ZMYM2: variants seen among roughly 807,000 people sequenced by gnomAD.
ZMYM2 encodes the protein zinc finger MYM-type containing 2.
A neutral mutation model predicts 162.8 loss-of-function variants in ZMYM2; 56 were observed. That is an observed-to-expected ratio of 0.34 (90% confidence interval 0.28 to 0.43). The LOEUF (loss-of-function observed/expected upper bound fraction) is 0.43, where lower values mean the gene tolerates loss of function less well. Ranked by LOEUF, ZMYM2 falls within the 20% of genes least tolerant of loss-of-function variation. ZMYM2 has a pLI of 1.00. For synonymous variants in ZMYM2, 510 were observed against 541.6 expected (o/e 0.94, Z 0.81); for missense variants, 1,275 against 1,621.8 (o/e 0.79, Z 3.67).
intron 23 of ZMYM2, 23 bp downstream of exon 23, chr13:20,083,055 T>A (rs1229206459): frequency 6.6e-7 from 1 of 1,516,334 alleles, no homozygotes; most frequent in Non-Finnish European, 8.8e-7. Context: ...ATTTCTATTT[T>A]TATTTTTATT....
chr13:19,871,364 T>TA, the ZMYM2 span, among the ~76,000 whole-genome samples: 2 of 152,174 alleles, frequency 1.3e-5, no homozygotes, highest in African/African-American at 2.4e-5. Context: ...TACTTATTGA[T>TA]AAAAAAAGAA....
chr13:19,909,249 T>C, the ZMYM2 span, among the ~76,000 whole-genome samples: 2 of 152,168 alleles, frequency 1.3e-5, no homozygotes, highest in African/African-American at 4.8e-5. Flanking sequence ...GCTCAATCTA[T>C]GTTAATTACT....
chr13:19,992,454 C>T (rs908029940), intron 2 of ZMYM2, among the ~76,000 whole-genome samples: 4 of 152,032 alleles, frequency 2.6e-5, no homozygotes, highest in African/African-American at 7.2e-5. Flanking sequence ...GTAGTCCCAG[C>T]TACTTGGAGG....
intron 7 of ZMYM2, 167 bp from the exon 8 acceptor site, chr13:20,026,445 T>A: frequency 1.8e-6 from 1 of 552,922 alleles, no homozygotes; most frequent in Non-Finnish European, 3.0e-6. Context: ...CCTTAGCAGT[T>A]GTTGCATAGT....
rs147370603 is a variant in ZMYM2 at position 19,985,083 on chromosome 13, C to A, written c.-10-7980C>A. On this transcript the variant is annotated intron_variant, in intron 2 of 24. Transcript: ENST00000610343. ...AATCATTATGTTGATCAGGTACTTTCCTTATGACAAGTGAATGTTAACCGC... is the reference window on the plus strand; with the variant it reads ...AATCATTATGTTGATCAGGTACTTTACTTATGACAAGTGAATGTTAACCGC... Among the ~76,000 whole-genome samples the A allele has an allele frequency of 7.4e-3, 1,131 of 152,236 alleles. 11 individuals are homozygous for A. Among genetic ancestry groups the A allele is most frequent in the African/African-American group, 0.025 (1,028 of 41,528 alleles).
the ZMYM2 span, among the ~76,000 whole-genome samples, chr13:19,883,057 A>C: frequency 6.6e-6 from 1 of 152,236 alleles, no homozygotes; most frequent in South Asian, 2.1e-4. Flanking sequence ...ATACAATGGA[A>C]TATTATTGTT....
intron 2 of ZMYM2, among the ~76,000 whole-genome samples, chr13:19,991,624 C>CT (rs11413369): frequency 0.93 from 121,894 of 131,382 alleles, 57,046 homozygotes; most frequent in East Asian, 0.99. Flanking sequence ...TTTTCTTTTT[C>CT]TTTTTTTTTT....
chr13:19,997,736 C>G (rs1950122811), intron 3 of ZMYM2, among the ~76,000 whole-genome samples: 1 of 152,032 alleles, frequency 6.6e-6, no homozygotes, highest in Non-Finnish European at 1.5e-5. Context: ...TGTTGTCTTA[C>G]CGCTGAGAAT....
chr13:19,880,765 C>A, the ZMYM2 span, among the ~76,000 whole-genome samples: 1 of 152,154 alleles, frequency 6.6e-6, no homozygotes, highest in East Asian at 1.9e-4. Flanking sequence ...TTGGATTGTT[C>A]ACTGTTAGTG....
At chr13:19,901,203 T>G in the ZMYM2 span, among the ~76,000 whole-genome samples, 2 of 152,106 alleles carry the variant, frequency 1.3e-5, no homozygotes, top group Non-Finnish European at 2.9e-5. Context: ...GGACTAGAGC[T>G]TCAACATATG....
chr13:19,999,413 C>CAGTG (rs1950239094), intron 3 of ZMYM2, among the ~76,000 whole-genome samples: 1 of 152,070 alleles, frequency 6.6e-6, no homozygotes, highest in Non-Finnish European at 1.5e-5. Context: ...GATCTGTGAT[C>CAGTG]AGTGATCTTT....
intron 3 of ZMYM2, among the ~76,000 whole-genome samples, chr13:19,998,035 T>G (rs1950145839): frequency 6.6e-6 from 1 of 152,240 alleles, no homozygotes; most frequent in Non-Finnish European, 1.5e-5. Context: ...TCCTGTTTAC[T>G]CAAACTCTGT....
At chr13:20,026,521 T>A in intron 7 of ZMYM2, 91 bp from the exon 8 acceptor site, 1 of 1,320,888 alleles carries the variant, frequency 7.6e-7, no homozygotes, top group South Asian at 1.6e-5. Context: ...AGGATTGTTT[T>A]GCAGAGGCAA....
chr13:19,921,185 G>A, the ZMYM2 span, among the ~76,000 whole-genome samples: 1 of 151,848 alleles, frequency 6.6e-6, no homozygotes, highest in African/African-American at 2.4e-5. Flanking sequence ...TATTGCCCAG[G>A]CTGGAGTGCA....
chr13:19,909,757 G>A, the ZMYM2 span, among the ~76,000 whole-genome samples: 4 of 151,952 alleles, frequency 2.6e-5, no homozygotes, highest in African/African-American at 9.7e-5. Flanking sequence ...TTCAGAACTT[G>A]CTGTTTCCAG....
chr13:19,916,725 T>C, the ZMYM2 span, among the ~76,000 whole-genome samples: 4 of 36,652 alleles, frequency 1.1e-4, no homozygotes, highest in South Asian at 9.4e-4. Flanking sequence ...GGTGGGGGGC[T>C]GGGGGAGGGA....
At chr13:19,864,743 G>C in the ZMYM2 span, 104,685 of 152,316 alleles carry the variant, frequency 0.69, 38,743 homozygotes, top group East Asian at 0.89. Flanking sequence ...GCTCTATCGC[G>C]GGGCGCACCC....
At chr13:19,866,575 G>C in the ZMYM2 span, among the ~76,000 whole-genome samples, 1 of 152,254 alleles carries the variant, frequency 6.6e-6, no homozygotes, top group African/African-American at 2.4e-5. Flanking sequence ...TGAGGCAGGA[G>C]AATCACTTGT....
At chr13:19,865,124 C>CTA in the ZMYM2 span, 1 of 152,224 alleles carries the variant, frequency 6.6e-6, no homozygotes, top group African/African-American at 2.4e-5. Context: ...CGTTAACCAT[C>CTA]TAATGCAGGG....
Sources: gnomAD v4.1 joint callset for allele counts (sites outside exome capture counted in the v4.1 genomes callset) on GRCh38, gnomAD v4.1.1 for gene constraint, MANE v1.5 for transcripts, NCBI Gene and HGNC (gene_info 2026-07-23, HGNC 2026-07-21) for gene names.